The following PPP2R2B variants were observed in gnomAD, a reference collection of about 807,000 sequenced individuals.
The protein encoded by PPP2R2B is serine/threonine-protein phosphatase 2A 55 kDa regulatory subunit B beta isoform.
PPP2R2B carries 5 observed loss-of-function variants against 46.0 expected under a neutral mutation model. That is an observed-to-expected ratio of 0.11 (90% CI 0.06 to 0.23). PPP2R2B has a LOEUF of 0.23. Ranked by LOEUF, PPP2R2B falls within the 10% of genes least tolerant of loss-of-function variation. The pLI is 1.00. For missense variants in PPP2R2B, 367 were observed against 575.0 expected (o/e 0.64, Z 3.70); for synonymous variants, 215 against 206.7 (o/e 1.04, Z -0.34).
chr5:146,894,028 AGAGT>A (rs1762569887), intron 1 of PPP2R2B, among the ~76,000 whole-genome samples: 1 of 152,164 alleles, frequency 6.6e-6, no homozygotes, highest in Non-Finnish European at 1.5e-5. Flanking sequence ...CCTGGGCAAT[AGAGT>A]GAGACTCAGT....
intron 2 of PPP2R2B, among the ~76,000 whole-genome samples, chr5:146,770,069 C>T (rs79844708): frequency 0.056 from 8,496 of 152,072 alleles, 284 homozygotes; most frequent in African/African-American, 0.097. Flanking sequence ...TGGCTCATGC[C>T]TGTAATCCTA....
intron 2 of PPP2R2B, among the ~76,000 whole-genome samples, chr5:146,812,472 T>A (rs1236975308): frequency 2.5e-5 from 2 of 79,758 alleles, no homozygotes; most frequent in African/African-American, 4.3e-5. Flanking sequence ...GTAACTCTAG[T>A]GATAGCAGTA....
chr5:146,700,445 G>T (rs183322186), intron 3 of PPP2R2B, among the ~76,000 whole-genome samples: 1 of 152,236 alleles, frequency 6.6e-6, no homozygotes, highest in African/African-American at 2.4e-5. Flanking sequence ...GGGTTTATGA[G>T]AGTTACTGGA....
intron 2 of PPP2R2B, among the ~76,000 whole-genome samples, chr5:146,814,349 AGT>A (rs1757806162): frequency 6.6e-6 from 1 of 152,132 alleles, no homozygotes; most frequent in Non-Finnish European, 1.5e-5. Flanking sequence ...CTTATGTTAC[AGT>A]AGGTAGCTAT....
intron 2 of PPP2R2B, among the ~76,000 whole-genome samples, chr5:146,733,708 GACACACACACACACAA>G (rs1752365560): frequency 6.6e-6 from 1 of 151,636 alleles, no homozygotes; most frequent in Admixed American, 6.6e-5. Flanking sequence ...ACCACACACA[GACACACACACACACAA>G]ACACACACAC....
At chr5:146,818,460 G>A (rs954732555) in intron 2 of PPP2R2B, among the ~76,000 whole-genome samples, 1 of 151,794 alleles carries the variant, frequency 6.6e-6, no homozygotes, top group African/African-American at 2.4e-5. Context: ...TATTCCATAT[G>A]ATAAGATGTC....
intron 1 of PPP2R2B, among the ~76,000 whole-genome samples, chr5:146,978,154 G>C (rs182183486): frequency 7.2e-5 from 11 of 152,160 alleles, no homozygotes; most frequent in South Asian, 4.2e-4. Context: ...TCATATGTTT[G>C]TTGGCCACTT....
intron 1 of PPP2R2B, among the ~76,000 whole-genome samples, chr5:146,973,112 T>G (rs1008710939): frequency 6.6e-6 from 1 of 152,236 alleles, no homozygotes; most frequent in African/African-American, 2.4e-5. Context: ...TTATGTTATG[T>G]CTTTGATCTA....
chr5:147,061,179 C>A (rs1306777218), intron 2 of PPP2R2B, among the ~76,000 whole-genome samples: 5 of 152,060 alleles, frequency 3.3e-5, no homozygotes, highest in African/African-American at 1.2e-4. Context: ...AGGTTTAGCT[C>A]TTTGAGTTTA....
chr5:146,887,247 CA>C (rs1762357671), intron 1 of PPP2R2B, among the ~76,000 whole-genome samples: 1 of 152,066 alleles, frequency 6.6e-6, no homozygotes. Context: ...AAAGACCTCT[CA>C]AATCTAGCTA....
chr5:147,039,800 G>C (rs1303775502), intron 1 of PPP2R2B, among the ~76,000 whole-genome samples: 2 of 152,172 alleles, frequency 1.3e-5, no homozygotes, highest in African/African-American at 2.4e-5. Context: ...TGTAAGATGA[G>C]AGCAGAGATC....
chr5:146,870,492 A>G (rs1761553267), intron 2 of PPP2R2B, among the ~76,000 whole-genome samples: 1 of 152,226 alleles, frequency 6.6e-6, no homozygotes, highest in Non-Finnish European at 1.5e-5. Flanking sequence ...ACTCACCAGA[A>G]ACCAACCATG....
Position 146,777,743 on chromosome 5 carries a change from T to C in PPP2R2B, c.71-76601A>G, listed in dbSNP as rs73793272. ...AACCATTCAGTTTTTCTATGCACAA[T>C]TGAGAAAAGGAAAAGTGGCCCTTAT... On this transcript the variant is annotated intron_variant, in intron 2 of 9. Coordinates refer to ENST00000394411, the MANE Select transcript of PPP2R2B (RefSeq NM_181675.4). Among the ~76,000 whole-genome samples, 137 of 152,252 alleles carry C rather than the reference T, an allele frequency of 9.0e-4. 1 individual carries two copies. Among genetic ancestry groups the C allele is most frequent in the African/African-American group, 3.0e-3 (125 of 41,562 alleles).
intron 1 of PPP2R2B, among the ~76,000 whole-genome samples, chr5:147,015,749 T>TTAATA (rs950955924): frequency 1.3e-5 from 2 of 149,602 alleles, no homozygotes; most frequent in South Asian, 4.2e-4. Context: ...TAATATATTC[T>TTAATA]TAATATAATA....
intron 1 of PPP2R2B, among the ~76,000 whole-genome samples, chr5:146,902,715 A>T (rs1304677470): frequency 7.2e-5 from 11 of 152,252 alleles, no homozygotes; most frequent in Admixed American, 6.5e-4. Flanking sequence ...TCCCCAGTGC[A>T]TTGAGAACAA....
At chr5:146,975,760 C>T (rs1401038495) in intron 1 of PPP2R2B, among the ~76,000 whole-genome samples, 2 of 152,138 alleles carry the variant, frequency 1.3e-5, no homozygotes, top group Non-Finnish European at 2.9e-5. Flanking sequence ...TTTTCCTATG[C>T]TTGTTGACTA....
intron 3 of PPP2R2B, among the ~76,000 whole-genome samples, chr5:146,699,553 A>G (rs1241882546): frequency 6.6e-6 from 1 of 152,130 alleles, no homozygotes; most frequent in African/African-American, 2.4e-5. Flanking sequence ...ACCTATAAAT[A>G]GCTAATGGAA....
chr5:146,889,560 T>C (rs1344181526), intron 1 of PPP2R2B, among the ~76,000 whole-genome samples: 4 of 152,134 alleles, frequency 2.6e-5, no homozygotes, highest in African/African-American at 9.7e-5. Flanking sequence ...GGGTAATGCA[T>C]GAGGTCAATG....
intron 2 of PPP2R2B, among the ~76,000 whole-genome samples, chr5:146,787,021 T>C (rs976818266): frequency 6.6e-6 from 1 of 152,210 alleles, no homozygotes; most frequent in Non-Finnish European, 1.5e-5. Flanking sequence ...AACTGAAGCA[T>C]AGAGAGGTTA....
Sources: allele counts gnomAD v4.1 joint callset (sites outside exome capture counted in the v4.1 genomes callset), GRCh38; gene constraint gnomAD v4.1.1; transcripts MANE v1.5; gene names NCBI Gene and HGNC (gene_info 2026-07-23, HGNC 2026-07-21).